PAPPA2: variants seen among roughly 807,000 people sequenced by gnomAD.
PAPPA2 encodes the protein pappalysin 2.
PAPPA2 carries 86 observed loss-of-function variants against 176.4 expected under a neutral mutation model. The observed-to-expected ratio is 0.49, with a 90% CI of 0.41 to 0.58. PAPPA2 has a LOEUF of 0.58. PAPPA2 is among the 20% of genes least tolerant of loss of function. The probability of loss-of-function intolerance (pLI) is 0.00; values close to 1 mark genes in which losing one functional copy is unlikely to be tolerated. For synonymous variants in PAPPA2, 809 were observed against 852.2 expected, an observed-to-expected ratio of 0.95 and a Z score of 0.88; for missense variants, 2,073 against 2,256.9, an observed-to-expected ratio of 0.92 and a Z score of 1.65.
At chr1:176,792,348 C>T (rs893920729) in intron 19 of PAPPA2, among the ~76,000 whole-genome samples, 1 of 152,180 alleles carries the variant, frequency 6.6e-6, no homozygotes, top group East Asian at 1.9e-4. Flanking sequence ...GTAATTTTAT[C>T]GGACATTCTA....
chr1:176,577,441 T>C (rs1044145922), intron 2 of PAPPA2, among the ~76,000 whole-genome samples: 1 of 152,094 alleles, frequency 6.6e-6, no homozygotes, highest in Non-Finnish European at 1.5e-5. Flanking sequence ...ACTGGAAAGG[T>C]GCTAGTGAAA....
At chr1:176,561,756 C>T (rs934365890) in intron 2 of PAPPA2, among the ~76,000 whole-genome samples, 13 of 152,168 alleles carry the variant, frequency 8.5e-5, no homozygotes, top group African/African-American at 1.9e-4. Flanking sequence ...GTTCACACAA[C>T]GTTCAGAGCT....
intron 3 of PAPPA2, among the ~76,000 whole-genome samples, chr1:176,664,937 G>A (rs138266040): frequency 0.019 from 2,855 of 152,232 alleles, 45 homozygotes; most frequent in Admixed American, 0.037. Flanking sequence ...TCACCACTAT[G>A]TCTCTTCTTT....
Position 176,695,838 on chromosome 1 carries a change from T to C in PAPPA2, c.2725T>C (p.Trp909Arg). ...SRRVCDSSGY[W>R]TPEEAVGPPD... ...GCGGGTGTGTGACTCCTCAGGTTAT[T>C]GGACCCCAGAGGAGGCTGTGGGTAA... The change falls in exon 7 of 23, where the codon TGG becomes CGG. Residue 909 changes from tryptophan to arginine, a missense_variant. Physicochemically the swap from Trp to Arg is moderately radical, Grantham distance 101. Transcript: ENST00000367662. 6.2e-7 allele frequency: 1 copy of C among 1,614,044 alleles called. No homozygotes were observed. Among genetic ancestry groups the C allele is most frequent in the Non-Finnish European group, 8.5e-7 (1 of 1,179,986 alleles).
intron 3 of PAPPA2, among the ~76,000 whole-genome samples, chr1:176,624,783 G>A (rs1330311675): frequency 6.6e-6 from 1 of 152,116 alleles, no homozygotes; most frequent in African/African-American, 2.4e-5. Context: ...AATGATTTTA[G>A]GATGTTTGGG....
At chr1:176,651,993 A>G (rs1657751357) in intron 3 of PAPPA2, among the ~76,000 whole-genome samples, 1 of 151,580 alleles carries the variant, frequency 6.6e-6, no homozygotes, top group Non-Finnish European at 1.5e-5. Flanking sequence ...TTTTTTAAAA[A>G]ACTATTATGT....
At chr1:176,527,105 C>G (rs558865078) in intron 1 of PAPPA2, among the ~76,000 whole-genome samples, 1 of 152,114 alleles carries the variant, frequency 6.6e-6, no homozygotes, top group East Asian at 1.9e-4. Context: ...AGCCACTATG[C>G]GTGTCTTGAA....
chr1:176,481,326 G>A (rs1463907699), intron 1 of PAPPA2, among the ~76,000 whole-genome samples: 1 of 150,796 alleles, frequency 6.6e-6, no homozygotes, highest in East Asian at 2.0e-4. Flanking sequence ...TGGCAACAGG[G>A]CCATCGTGCT....
At chr1:176,757,668 A>G (rs975496263) in intron 14 of PAPPA2, among the ~76,000 whole-genome samples, 11 of 152,088 alleles carry the variant, frequency 7.2e-5, no homozygotes, top group Non-Finnish European at 1.5e-4. Flanking sequence ...GTTCACTCTG[A>G]TGGTAGTTTC....
At chr1:176,762,537 T>C (rs950918708) in intron 14 of PAPPA2, among the ~76,000 whole-genome samples, 1 of 152,230 alleles carries the variant, frequency 6.6e-6, no homozygotes, top group Non-Finnish European at 1.5e-5. Context: ...AATAAACTAA[T>C]GTGGACCAGA....
intron 3 of PAPPA2, among the ~76,000 whole-genome samples, chr1:176,611,505 A>G (rs908372344): frequency 6.6e-6 from 1 of 152,224 alleles, no homozygotes; most frequent in Non-Finnish European, 1.5e-5. Context: ...AGATTTTAAT[A>G]TAATGGGAAA....
intron 3 of PAPPA2, among the ~76,000 whole-genome samples, chr1:176,619,314 C>T (rs1227525922): frequency 2.6e-5 from 4 of 152,304 alleles, no homozygotes; most frequent in African/African-American, 7.2e-5. Context: ...CTGAAAGCAA[C>T]TTATATCTAC....
At chr1:176,729,988 T>C (rs1195780993) in intron 12 of PAPPA2, among the ~76,000 whole-genome samples, 1 of 152,024 alleles carries the variant, frequency 6.6e-6, no homozygotes, top group Non-Finnish European at 1.5e-5. Context: ...TGTCAAATCA[T>C]TTTTGCCTTC....
intron 14 of PAPPA2, among the ~76,000 whole-genome samples, chr1:176,754,016 T>G: frequency 7.5e-6 from 1 of 132,776 alleles, no homozygotes; most frequent in East Asian, 2.0e-4. Context: ...CCTTTTCAAC[T>G]GTTTTTTTTT....
chr1:176,532,232 G>A (rs1316097552), intron 1 of PAPPA2, among the ~76,000 whole-genome samples: 1 of 152,186 alleles, frequency 6.6e-6, no homozygotes, highest in Admixed American at 6.5e-5. Flanking sequence ...TGGGCCCAAA[G>A]TTCAGTGAAT....
chr1:176,735,937 T>C (rs1324692823), intron 12 of PAPPA2, among the ~76,000 whole-genome samples: 2 of 152,286 alleles, frequency 1.3e-5, no homozygotes, highest in Non-Finnish European at 2.9e-5. Context: ...AAAGTTTTTC[T>C]TCCTTGCAAG....
intron 15 of PAPPA2, among the ~76,000 whole-genome samples, chr1:176,766,105 T>C (rs1449269288): frequency 6.6e-6 from 1 of 152,222 alleles, no homozygotes; most frequent in African/African-American, 2.4e-5. Context: ...TCAGAAATTA[T>C]TTTCCCTCCT....
chr1:176,786,388 G>A (rs1664936179), intron 17 of PAPPA2, among the ~76,000 whole-genome samples: 1 of 152,094 alleles, frequency 6.6e-6, no homozygotes, highest in Non-Finnish European at 1.5e-5. Context: ...GATTTTAGCT[G>A]GGAAGGAATG....
chr1:176,581,337 A>G (rs1471244975), intron 2 of PAPPA2, among the ~76,000 whole-genome samples: 1 of 152,206 alleles, frequency 6.6e-6, no homozygotes, highest in Non-Finnish European at 1.5e-5. Context: ...TTTTTATGCC[A>G]GTACAATGCT....
Sources: allele counts gnomAD v4.1 joint callset (sites outside exome capture counted in the v4.1 genomes callset), GRCh38; gene constraint gnomAD v4.1.1; transcripts MANE v1.5; gene names NCBI Gene and HGNC (gene_info 2026-07-23, HGNC 2026-07-21).